SMYD3: variants seen among roughly 807,000 people sequenced by gnomAD.
SMYD3 encodes the protein SET and MYND domain containing 3, also known as histone-lysine N-methyltransferase SMYD3.
In SMYD3, 36 loss-of-function variants were observed where a neutral mutation model predicts 57.7. The observed-to-expected ratio is 0.62, with a 90% confidence interval of 0.48 to 0.82. The LOEUF is 0.82. Among genes scored for constraint, SMYD3 ranks in the 40% least tolerant of loss-of-function variants. The probability of loss-of-function intolerance (pLI) is 0.00; values close to 1 mark genes in which losing one functional copy is unlikely to be tolerated. For synonymous variants in SMYD3, 211 were observed against 195.0 expected (o/e 1.08, Z -0.68); for missense variants, 515 against 538.8 (o/e 0.96, Z 0.44).
chr1:246,175,733 T>C (rs1423982381), intron 5 of SMYD3, among the ~76,000 whole-genome samples: 3 of 152,052 alleles, frequency 2.0e-5, no homozygotes, highest in East Asian at 1.9e-4. Context: ...TCCAGGAAAA[T>C]AGAGGGTAAT....
intron 5 of SMYD3, among the ~76,000 whole-genome samples, chr1:246,211,484 T>G (rs2063087263): frequency 6.6e-6 from 1 of 151,980 alleles, no homozygotes; most frequent in Non-Finnish European, 1.5e-5. Context: ...AAAATAAACA[T>G]CTCTCCACTG....
chr1:246,065,627 T>A (rs2060327635), intron 5 of SMYD3, among the ~76,000 whole-genome samples: 1 of 152,220 alleles, frequency 6.6e-6, no homozygotes, highest in Admixed American at 6.5e-5. Context: ...TAACTCAAGT[T>A]AATAACCAGC....
At chr1:245,974,538 A>G (rs1186232587) in intron 5 of SMYD3, among the ~76,000 whole-genome samples, 1 of 107,310 alleles carries the variant, frequency 9.3e-6, no homozygotes, top group African/African-American at 3.7e-5. Context: ...CGGCCCAGGG[A>G]AAGCCATCGT....
chr1:246,382,388 C>T (rs933458531), intron 1 of SMYD3, among the ~76,000 whole-genome samples: 5 of 151,936 alleles, frequency 3.3e-5, no homozygotes, highest in African/African-American at 4.8e-5. Flanking sequence ...CATGGACCCA[C>T]GCTCCAGCAA....
chr1:246,327,401 T>C (rs1362431227), intron 4 of SMYD3, 64 bp from the exon 5 acceptor site: 1 of 1,401,936 alleles, frequency 7.1e-7, no homozygotes, highest in East Asian at 2.3e-5. Flanking sequence ...AATTTTCAAG[T>C]GTTCAATGCT....
intron 8 of SMYD3, among the ~76,000 whole-genome samples, chr1:245,871,871 C>T (rs2052212622): frequency 6.6e-6 from 1 of 152,182 alleles, no homozygotes; most frequent in Non-Finnish European, 1.5e-5. Context: ...TGACTAGAGT[C>T]AGCTTTGTTT....
At chr1:245,908,700 A>G (rs2054751417) in intron 8 of SMYD3, among the ~76,000 whole-genome samples, 1 of 152,230 alleles carries the variant, frequency 6.6e-6, no homozygotes, top group African/African-American at 2.4e-5. Flanking sequence ...AAATACATGA[A>G]AATTAAACAT....
At chr1:245,800,354 A>G (rs1212120973) in intron 10 of SMYD3, among the ~76,000 whole-genome samples, 2 of 152,108 alleles carry the variant, frequency 1.3e-5, no homozygotes, top group African/African-American at 2.4e-5. Flanking sequence ...ACTATACACT[A>G]TATTTTGGTA....
intron 5 of SMYD3, among the ~76,000 whole-genome samples, chr1:246,216,814 A>G (rs978204269): frequency 4.6e-5 from 7 of 152,162 alleles, no homozygotes; most frequent in South Asian, 2.1e-4. Flanking sequence ...CTCTGAAGCT[A>G]GCTTTCTCAC....
chr1:246,344,955 G>C (rs1301348267), intron 2 of SMYD3, among the ~76,000 whole-genome samples: 1 of 152,138 alleles, frequency 6.6e-6, no homozygotes, highest in Non-Finnish European at 1.5e-5. Flanking sequence ...TTCTTGGTTG[G>C]GGTGAGAGAG....
Position 245,918,040 on chromosome 1 carries a change from G to A in SMYD3, c.703-2400C>T, listed in dbSNP as rs564099100. On this transcript the variant is annotated intron_variant, in intron 7 of 11. Coordinates refer to ENST00000490107, the MANE Select transcript of SMYD3 (RefSeq NM_001167740.2). ...GCTGTAGGGGTGATGGTGGATGGCT[G>A]GGCTGGCCAGCCAGATCTGTCAAAT... is the stretch of plus-strand genomic sequence containing the variant. Among the ~76,000 whole-genome samples, 53 of 152,314 alleles carry A rather than the reference G, an allele frequency of 3.5e-4. No individual in the cohort carries two copies. In the South Asian group the frequency reaches 0.011, roughly 30 times the overall value.
At chr1:245,999,543 T>G (rs983559078) in intron 5 of SMYD3, among the ~76,000 whole-genome samples, 8 of 152,154 alleles carry the variant, frequency 5.3e-5, no homozygotes, top group Non-Finnish European at 2.9e-5. Context: ...GGAATCTATG[T>G]TTTTAAACAA....
Position 245,827,397 on chromosome 1 carries a change from G to A in SMYD3, c.1076+31099C>T, listed in dbSNP as rs115494493. Among the ~76,000 whole-genome samples, 499 of 152,244 alleles carry A rather than the reference G, an allele frequency of 3.3e-3. 2 individuals are homozygous for A. The highest frequency in any genetic ancestry group is 0.011 in the African/African-American group (453 of 41,544). The stretch of plus-strand genomic sequence containing the variant: ...AGCTACAGAGCTGGGGTGATGCCTC[G>A]AACTCACGATGCCTGGCCCAGGGCT... On this transcript the variant is annotated intron_variant, in intron 10 of 11. Coordinates refer to ENST00000490107, the MANE Select transcript of SMYD3 (RefSeq NM_001167740.2).
chr1:246,441,825 T>G (rs931870315), intron 1 of SMYD3, among the ~76,000 whole-genome samples: 1 of 152,222 alleles, frequency 6.6e-6, no homozygotes, highest in African/African-American at 2.4e-5. Flanking sequence ...CTGGCCAGGC[T>G]GGTCTGCAAC....
At chr1:245,829,857 G>C (rs1231003094) in intron 10 of SMYD3, among the ~76,000 whole-genome samples, 2 of 152,088 alleles carry the variant, frequency 1.3e-5, no homozygotes, top group Non-Finnish European at 2.9e-5. Context: ...AGTGAAATAA[G>C]TCAGCCACAA....
intron 3 of SMYD3, among the ~76,000 whole-genome samples, chr1:246,333,600 A>G (rs1356630996): frequency 1.3e-5 from 2 of 152,182 alleles, no homozygotes; most frequent in African/African-American, 2.4e-5. Context: ...GGGCCACCAC[A>G]GTGGCTCGCA....
chr1:245,833,302 G>A (rs750496760), intron 10 of SMYD3, among the ~76,000 whole-genome samples: 5 of 152,042 alleles, frequency 3.3e-5, no homozygotes, highest in Admixed American at 6.6e-5. Flanking sequence ...GATTTCACCC[G>A]TGCATCTACC....
intron 5 of SMYD3, among the ~76,000 whole-genome samples, chr1:246,194,299 G>A (rs574371229): frequency 5.3e-4 from 78 of 148,330 alleles, no homozygotes; most frequent in African/African-American, 1.5e-3. Context: ...ATGGAGGCTC[G>A]CCCAGTCACC....
intron 10 of SMYD3, among the ~76,000 whole-genome samples, chr1:245,856,055 C>T (rs2051224053): frequency 6.6e-6 from 1 of 152,244 alleles, no homozygotes; most frequent in Non-Finnish European, 1.5e-5. Context: ...AGTGTGAATT[C>T]CCTCATGCAC....
Sources: allele counts gnomAD v4.1 joint callset (sites outside exome capture counted in the v4.1 genomes callset), GRCh38; gene constraint gnomAD v4.1.1; transcripts MANE v1.5; gene names NCBI Gene and HGNC (gene_info 2026-07-23, HGNC 2026-07-21).